Variants in GTF2IRD2 observed in about 807,000 individuals in gnomAD.
The protein encoded by GTF2IRD2 is GTF2I repeat domain containing 2.
In GTF2IRD2, 8 loss-of-function variants were observed where a neutral mutation model predicts 49.2. The ratio of observed to expected loss-of-function variants is 0.16; its 90% confidence interval spans 0.10 to 0.29. The LOEUF is 0.29. Among genes scored for constraint, GTF2IRD2 ranks in the 10% least tolerant of loss-of-function variants. The pLI is 1.00. For synonymous variants in GTF2IRD2, 47 were observed against 289.7 expected (o/e 0.16, Z 8.51); for missense variants, 130 against 725.7 (o/e 0.18, Z 9.43).
At chr7:74,798,505 A>G (rs587746798) in intron 15 of GTF2IRD2, among the ~76,000 whole-genome samples, 1 of 151,654 alleles carries the variant, frequency 6.6e-6, no homozygotes, top group South Asian at 2.1e-4. Context: ...CTGAAGACTG[A>G]ATTTTTGTTG....
rs1554416132 is a variant in GTF2IRD2, at chr7:74,796,388, A to T, written c.*274T>A. The stretch of plus-strand genomic sequence containing the variant: ...GAGACCAGCCTGGCCAACATGGTGA[A>T]ACCTCATCTCTACTAATACAAAAAT... On this transcript the variant is annotated 3_prime_UTR_variant, in exon 16 of 16. Coordinates refer to ENST00000451013, the MANE Select transcript of GTF2IRD2 (RefSeq NM_173537.5). 1 of 411,298 alleles carries T rather than the reference A, an allele frequency of 2.4e-6. No homozygotes were observed. The highest frequency in any genetic ancestry group is 4.6e-6 in the Non-Finnish European group (1 of 217,950). The allele number at this position is 411,298 out of a possible 1,614,324, so 25.5% of individuals were successfully genotyped here.
intron 1 of GTF2IRD2, 50 bp from the exon 2 acceptor site, chr7:74,836,433 C>G (rs1166883890): frequency 1.5e-6 from 2 of 1,367,518 alleles, no homozygotes; most frequent in Middle Eastern, 1.9e-4. Flanking sequence ...AGTCTGAAAC[C>G]CACATTTAGA....
Position 74,829,887 on chromosome 7 carries a change from C to CAAAAAAACAACA in GTF2IRD2, c.238+2917_238+2918insTGTTGTTTTTTT, listed in dbSNP as rs199938539. On this transcript the variant is annotated intron_variant, in intron 3 of 15. Transcript: ENST00000451013. The stretch of plus-strand genomic sequence containing the variant: ...TGGGCGATAGAGCGAGATTCTGTCT[C>CAAAAAAACAACA]AAAAAAAAAAAAAAATTCATATGGA... Among the ~76,000 whole-genome samples, 12 of 59,864 alleles carry CAAAAAAACAACA rather than the reference C, an allele frequency of 2.0e-4. No homozygotes were observed. The East Asian group carries it at 2.9e-3, about 15-fold the overall frequency. 39.3% of individuals were successfully genotyped at this position (59,864 alleles called of 152,430 possible). A position where few individuals can be genotyped will look rare whatever the true frequency, so the allele number is the denominator to read the frequency against.
chr7:74,799,093 G>C (rs1421588607), intron 15 of GTF2IRD2: 1 of 96,910 alleles, frequency 1.0e-5, no homozygotes, highest in African/African-American at 4.3e-5. Context: ...CGATCCACCC[G>C]CCTTGGCCTC....
At chr7:74,818,428 A>G (rs1748249893) in intron 8 of GTF2IRD2, among the ~76,000 whole-genome samples, 1 of 145,706 alleles carries the variant, frequency 6.9e-6, no homozygotes, top group African/African-American at 2.6e-5. Context: ...CCTATTATGT[A>G]CTGAATTAGA....
At position 74,796,477 on chromosome 7, in the gene GTF2IRD2, G is replaced by A. The variant is rs1378007433; in HGVS notation, c.*185C>T. 1.6e-5 allele frequency: 9 copies of A among 557,052 alleles called. No individual in the cohort carries two copies. The highest frequency in any genetic ancestry group is 6.2e-5 in the East Asian group (2 of 32,186). 34.5% of individuals were successfully genotyped at this position (557,052 alleles called of 1,614,324 possible). A position where few individuals can be genotyped will look rare whatever the true frequency, so the allele number is the denominator to read the frequency against. ...CTCGGGAGGCTGAGGCAGGAGAATC[G>A]TTCGAACCCAGGAGCTGGAAGTTGC... is the stretch of plus-strand genomic sequence containing the variant. On this transcript the variant is annotated 3_prime_UTR_variant, in exon 16 of 16. Coordinates refer to ENST00000451013, the MANE Select transcript of GTF2IRD2 (RefSeq NM_173537.5).
At chr7:74,842,184 C>A (rs2938664) in intron 1 of GTF2IRD2, among the ~76,000 whole-genome samples, 18 of 119,802 alleles carry the variant, frequency 1.5e-4, no homozygotes, top group East Asian at 9.7e-4. Context: ...CTCTGTGAAT[C>A]TATTTCAAGA....
intron 8 of GTF2IRD2, among the ~76,000 whole-genome samples, chr7:74,813,031 T>A (rs1411707705): frequency 6.7e-5 from 1 of 14,930 alleles, no homozygotes; most frequent in Non-Finnish European, 2.4e-4. Context: ...CATTTGTGTA[T>A]TTATGTATGT....
chr7:74,827,087 G>A (rs1799470234), intron 3 of GTF2IRD2, among the ~76,000 whole-genome samples: 1 of 150,086 alleles, frequency 6.7e-6, no homozygotes, highest in Non-Finnish European at 1.5e-5. Flanking sequence ...ATCTGGTGAT[G>A]GATGCTTAGC....
At chr7:74,821,694 C>T (rs2131713371) in intron 6 of GTF2IRD2, 1 of 37,900 alleles carries the variant, frequency 2.6e-5, no homozygotes, top group East Asian at 1.0e-3. Flanking sequence ...ACTGGGATTA[C>T]ACGCACCCGC....
At chr7:74,826,479 C>A (rs1554419697) in intron 3 of GTF2IRD2, among the ~76,000 whole-genome samples, 1 of 118,334 alleles carries the variant, frequency 8.5e-6, no homozygotes, top group Non-Finnish European at 1.7e-5. Context: ...AGGCTGGTCT[C>A]GAACTCCTGG....
intron 15 of GTF2IRD2, among the ~76,000 whole-genome samples, chr7:74,800,373 C>T (rs1237659532): frequency 1.5e-5 from 2 of 134,646 alleles, no homozygotes; most frequent in Non-Finnish European, 3.1e-5. Context: ...CCACCATGCC[C>T]GACTAATTTT....
In GTF2IRD2 at chr7:74,839,124, T is replaced by C. The variant is rs1335493639; in HGVS notation, c.-5-2741A>G. ...ATTTTTAGTAGAGACGGGGTCTCAC[T>C]ATGTTGCCCAGACTGGTCTCCAACT... On this transcript the variant is annotated intron_variant, in intron 1 of 15. Coordinates refer to ENST00000451013, the MANE Select transcript of GTF2IRD2 (RefSeq NM_173537.5). Among the ~76,000 whole-genome samples the C allele has an allele frequency of 4.6e-4, 13 of 28,518 alleles. 5 individuals carry two copies. The highest frequency in any genetic ancestry group is 2.1e-3 in the African/African-American group (9 of 4,282). 18.7% of individuals were successfully genotyped at this position (28,518 alleles called of 152,430 possible). A position where few individuals can be genotyped will look rare whatever the true frequency, so the allele number is the denominator to read the frequency against.
chr7:74,813,118 C>T (rs202209188), intron 8 of GTF2IRD2, among the ~76,000 whole-genome samples: 1,982 of 23,328 alleles, frequency 0.085, 588 homozygotes, highest in East Asian at 0.32. Context: ...CGGTGACTCA[C>T]GCCTCCAATA....
In GTF2IRD2 at chr7:74,796,317, C is replaced by T. The variant is rs2131615004; in HGVS notation, c.*345G>A. 1 of 344,422 alleles carries T rather than the reference C, an allele frequency of 2.9e-6. No homozygotes were observed. The highest frequency in any genetic ancestry group is 7.7e-5 in the East Asian group (1 of 13,022). 21.3% of individuals were successfully genotyped at this position (344,422 alleles called of 1,614,324 possible). A position where few individuals can be genotyped will look rare whatever the true frequency, so the allele number is the denominator to read the frequency against. On this transcript the variant is annotated 3_prime_UTR_variant, in exon 16 of 16. Transcript: ENST00000451013. ...CAGTGGTTCATGCCTGTAATCCCAGCACTTTGTGAGGTCGAGGCAGGTGGA... is the reference window on the plus strand; with the variant it reads ...CAGTGGTTCATGCCTGTAATCCCAGTACTTTGTGAGGTCGAGGCAGGTGGA...
intron 3 of GTF2IRD2, among the ~76,000 whole-genome samples, chr7:74,829,646 C>T (rs1799659349): frequency 6.7e-6 from 1 of 148,318 alleles, no homozygotes; most frequent in Non-Finnish European, 1.5e-5. Flanking sequence ...TTTTGGGAGG[C>T]TGAGGAGGGT....
chr7:74,819,034 C>T lies in GTF2IRD2; in HGVS notation c.670+520G>A, dbSNP rs587775665. ...CCACCTCCCGGGCTCAAGCAATTCTCATGCCTCAGCCTCCCAAGTAGCTGG... is the reference window on the plus strand; with the variant it reads ...CCACCTCCCGGGCTCAAGCAATTCTTATGCCTCAGCCTCCCAAGTAGCTGG... On this transcript the variant is annotated intron_variant, in intron 8 of 15. Transcript: ENST00000451013. 2.9e-5 allele frequency: 5 copies of T among 172,282 alleles called. 1 individual carries two copies. The highest frequency in any genetic ancestry group is 1.1e-4 in the Admixed American group (2 of 18,248). The allele number at this position is 172,282 out of a possible 1,614,324, so 10.7% of individuals were successfully genotyped here. A position where few individuals can be genotyped will look rare whatever the true frequency, so the allele number is the denominator to read the frequency against.
At position 74,836,597 on chromosome 7, in the gene GTF2IRD2, G is replaced by A. The variant is rs1302768189; in HGVS notation, c.-5-214C>T. Among the ~76,000 whole-genome samples, 52 of 151,672 alleles carry A rather than the reference G, an allele frequency of 3.4e-4. No individual in the cohort carries two copies. In the East Asian group the frequency reaches 3.9e-3, roughly 11 times the overall value. On this transcript the variant is annotated intron_variant, in intron 1 of 15. Coordinates refer to ENST00000451013, the MANE Select transcript of GTF2IRD2 (RefSeq NM_173537.5). ...TTGTTTTATTTTGAGACAGGATCTTGCTCTGTCACCCAGGCTGGAGTGCAG... is the reference window on the plus strand; with the variant it reads ...TTGTTTTATTTTGAGACAGGATCTTACTCTGTCACCCAGGCTGGAGTGCAG...
At chr7:74,842,437 T>C (rs1554422004) in intron 1 of GTF2IRD2, among the ~76,000 whole-genome samples, 76 of 141,960 alleles carry the variant, frequency 5.4e-4, no homozygotes, top group African/African-American at 1.2e-3. Flanking sequence ...TGCCATGTTG[T>C]CCAGGCTGGT....
Sources: gnomAD v4.1 joint callset for allele counts (sites outside exome capture counted in the v4.1 genomes callset) on GRCh38, gnomAD v4.1.1 for gene constraint, MANE v1.5 for transcripts, NCBI Gene and HGNC (gene_info 2026-07-23, HGNC 2026-07-21) for gene names.